LDLRAD3: variants seen among roughly 807,000 people sequenced by gnomAD.
LDLRAD3 encodes low-density lipoprotein receptor class A domain-containing protein 3.
In LDLRAD3, 20 loss-of-function variants were observed where a neutral mutation model predicts 29.4. The observed-to-expected ratio is 0.68, with a 90% CI of 0.48 to 0.99. The LOEUF is 0.99. LDLRAD3 is among the 50% of genes least tolerant of loss of function. The pLI is 0.00. For synonymous variants in LDLRAD3, 157 were observed against 192.7 expected, an observed-to-expected ratio of 0.81 and a Z score of 1.53; for missense variants, 420 against 454.3, an observed-to-expected ratio of 0.92 and a Z score of 0.69.
At chr11:36,214,205 T>A (rs1346063569) in intron 4 of LDLRAD3, among the ~76,000 whole-genome samples, 1 of 151,808 alleles carries the variant, frequency 6.6e-6, no homozygotes, top group African/African-American at 2.4e-5. Context: ...GGGGAGAAAG[T>A]GGGGGTGAAG....
intron 1 of LDLRAD3, among the ~76,000 whole-genome samples, chr11:35,955,836 C>G (rs565843721): frequency 6.6e-6 from 1 of 152,324 alleles, no homozygotes; most frequent in East Asian, 1.9e-4. Flanking sequence ...TGGGGAAGTG[C>G]TCATCAGGTG....
At chr11:36,169,545 T>A (rs71480099) in intron 4 of LDLRAD3, among the ~76,000 whole-genome samples, 7,357 of 152,276 alleles carry the variant, frequency 0.048, 220 homozygotes, top group Middle Eastern at 0.11. Context: ...GAACATGTAA[T>A]ATTTGTGTTT....
intron 2 of LDLRAD3, among the ~76,000 whole-genome samples, chr11:36,054,994 GAT>G (rs1852595135): frequency 2.1e-5 from 3 of 141,494 alleles, no homozygotes; most frequent in South Asian, 2.4e-4. Flanking sequence ...TGGATGGATG[GAT>G]GGATGCATGG....
At position 35,986,212 on chromosome 11, in the gene LDLRAD3, T is replaced by C. The variant is rs76305240; in HGVS notation, c.46+42068T>C. Among the ~76,000 whole-genome samples the C allele has an allele frequency of 7.8e-3, 1,183 of 152,262 alleles. 17 individuals carry two copies. The highest frequency in any genetic ancestry group is 0.049 in the South Asian group (236 of 4,818). ...CAACTGGACAGTGGCTGATTATCTC[T>C]AGGAAGAGGCTGAATTCTGAAAACA... On this transcript the variant is annotated intron_variant, in intron 1 of 5. Transcript: ENST00000315571.
At chr11:35,973,590 G>A (rs1311603426) in intron 1 of LDLRAD3, among the ~76,000 whole-genome samples, 3 of 151,826 alleles carry the variant, frequency 2.0e-5, no homozygotes, top group Non-Finnish European at 2.9e-5. Flanking sequence ...TTAGCCTCCC[G>A]AATAGCTGGG....
chr11:36,226,324 C>G (rs1177156034), intron 4 of LDLRAD3, among the ~76,000 whole-genome samples: 2 of 152,122 alleles, frequency 1.3e-5, no homozygotes, highest in South Asian at 4.1e-4. Context: ...CTGCTGTTAG[C>G]CTGGGCTGTG....
chr11:35,985,694 C>G (rs1851605916), intron 1 of LDLRAD3, among the ~76,000 whole-genome samples: 1 of 152,108 alleles, frequency 6.6e-6, no homozygotes, highest in Admixed American at 6.5e-5. Context: ...AATAATAAGT[C>G]TCACAAGATC....
chr11:36,176,562 T>G (rs1854678597), intron 4 of LDLRAD3, among the ~76,000 whole-genome samples: 1 of 152,164 alleles, frequency 6.6e-6, no homozygotes, highest in South Asian at 2.1e-4. Flanking sequence ...CTATCTTTCC[T>G]TCATTTATGG....
intron 1 of LDLRAD3, among the ~76,000 whole-genome samples, chr11:36,020,125 T>G (rs947824281): frequency 1.3e-5 from 2 of 152,180 alleles, no homozygotes; most frequent in Non-Finnish European, 2.9e-5. Flanking sequence ...AGTTGCAGTA[T>G]GAAGGACTGG....
intron 4 of LDLRAD3, among the ~76,000 whole-genome samples, chr11:36,105,238 T>TGTGTGTGA (rs1343780985): frequency 3.9e-5 from 5 of 128,344 alleles, no homozygotes; most frequent in East Asian, 2.5e-4. Flanking sequence ...TGTGTGTGTG[T>TGTGTGTGA]GAGAGAGAGA....
At chr11:35,983,823 C>T (rs1851574998) in intron 1 of LDLRAD3, among the ~76,000 whole-genome samples, 1 of 152,046 alleles carries the variant, frequency 6.6e-6, no homozygotes, top group Non-Finnish European at 1.5e-5. Context: ...CGGGGTTTCA[C>T]CACGTTGGCC....
At chr11:36,179,130 C>G (rs1436631376) in intron 4 of LDLRAD3, among the ~76,000 whole-genome samples, 5 of 152,144 alleles carry the variant, frequency 3.3e-5, no homozygotes, top group Non-Finnish European at 5.9e-5. Context: ...AGGGTGTTCA[C>G]TAAGTACACA....
intron 4 of LDLRAD3, among the ~76,000 whole-genome samples, chr11:36,125,375 C>T (rs6484817): frequency 0.66 from 100,419 of 151,996 alleles, 33,770 homozygotes; most frequent in East Asian, 0.96. Context: ...GTTTTCTCTG[C>T]CTGTAAAATA....
chr11:36,107,337 A>C (rs72470862), intron 4 of LDLRAD3, among the ~76,000 whole-genome samples: 4,579 of 151,918 alleles, frequency 0.03, 204 homozygotes, highest in East Asian at 0.22. Context: ...AGTAGCTGAG[A>C]GGCGCCCGCT....
chr11:36,024,051 C>CG (rs375870305), intron 1 of LDLRAD3, among the ~76,000 whole-genome samples: 75 of 152,248 alleles, frequency 4.9e-4, no homozygotes, highest in African/African-American at 1.8e-3. Flanking sequence ...TTTTCTGGAT[C>CG]TAAGTGACCA....
At chr11:36,058,552 G>T (rs1049586454) in intron 2 of LDLRAD3, among the ~76,000 whole-genome samples, 5 of 152,188 alleles carry the variant, frequency 3.3e-5, no homozygotes, top group Non-Finnish European at 1.5e-5. Flanking sequence ...GGTATAGAGG[G>T]AGAGCCCTCT....
At chr11:36,227,013 C>A in intron 4 of LDLRAD3, 72 bp from the exon 5 acceptor site, 2 of 1,200,802 alleles carry the variant, frequency 1.7e-6, no homozygotes, top group South Asian at 1.5e-5. Context: ...AGTTCTGGGG[C>A]TGATGTTGAA....
chr11:35,968,088 GC>G (rs1851364779), intron 1 of LDLRAD3: 1 of 450,056 alleles, frequency 2.2e-6, no homozygotes, highest in Non-Finnish European at 4.4e-6. Context: ...ATAGTAGGAA[GC>G]CATGTTGGTT....
At chr11:36,160,922 G>A (rs1854430616) in intron 4 of LDLRAD3, among the ~76,000 whole-genome samples, 1 of 152,120 alleles carries the variant, frequency 6.6e-6, no homozygotes, top group Non-Finnish European at 1.5e-5. Context: ...ACCCTCCCGA[G>A]TAGTTGGGAT....
Sources: allele counts gnomAD v4.1 joint callset (sites outside exome capture counted in the v4.1 genomes callset), GRCh38; gene constraint gnomAD v4.1.1; transcripts MANE v1.5; gene names NCBI Gene and HGNC (gene_info 2026-07-23, HGNC 2026-07-21).